EPB41L1: variants seen among roughly 807,000 people sequenced by gnomAD.
EPB41L1 encodes band 4.1-like protein 1.
In EPB41L1, 29 loss-of-function variants were observed where a neutral mutation model predicts 97.8. That is an observed-to-expected ratio of 0.30 (90% confidence interval 0.22 to 0.40). The LOEUF is 0.40. EPB41L1 is among the 10% of genes least tolerant of loss of function. The probability of loss-of-function intolerance (pLI) is 1.00; values close to 1 mark genes in which losing one functional copy is unlikely to be tolerated. For synonymous variants in EPB41L1, 383 were observed against 459.2 expected, an observed-to-expected ratio of 0.83 and a Z score of 2.12; for missense variants, 812 against 1,162.3, an observed-to-expected ratio of 0.70 and a Z score of 4.38.
intron 1 of EPB41L1, chr20:36,155,524 C>T (rs2060257815): frequency 2.2e-6 from 1 of 448,772 alleles, no homozygotes; most frequent in East Asian, 7.0e-5. Context: ...TGGGGAGGTC[C>T]AAGGGCCCGA....
rs2057677061 is a variant in EPB41L1 at position 36,092,033 on chromosome 20, G to C, written c.-65+421G>C. Among the ~76,000 whole-genome samples, 1 of 152,196 alleles carries C rather than the reference G, an allele frequency of 6.6e-6. No individual in the cohort carries two copies. Among genetic ancestry groups the C allele is most frequent in the African/African-American group, 2.4e-5 (1 of 41,450 alleles). ...GGTGGGCGTCGGGATCCCAGAGCCA[G>C]GGACTCAGCCCTTGGAGAGTCCCCA... On this transcript the variant is annotated intron_variant, in intron 1 of 19. Coordinates refer to the EPB41L1 transcript ENST00000202028. The surrounding 1 kb of genome is among the most constrained non-coding windows in gnomAD (Gnocchi z 7.0).
At chr20:36,130,928 C>T (rs943219471) in intron 2 of EPB41L1, among the ~76,000 whole-genome samples, 1 of 151,714 alleles carries the variant, frequency 6.6e-6, no homozygotes, top group African/African-American at 2.4e-5. Flanking sequence ...CCTGTCTCAG[C>T]CTCCTGAGTA....
chr20:36,149,079 A>G (rs1413784027), intron 2 of EPB41L1, among the ~76,000 whole-genome samples: 1 of 152,164 alleles, frequency 6.6e-6, no homozygotes, highest in Non-Finnish European at 1.5e-5. Flanking sequence ...GCATGCCAGC[A>G]CCAAACAGAG....
intron 14 of EPB41L1, among the ~76,000 whole-genome samples, chr20:36,198,339 T>C (rs1285352157): frequency 6.6e-6 from 1 of 152,138 alleles, no homozygotes; most frequent in Non-Finnish European, 1.5e-5. Flanking sequence ...GAAATGCAGG[T>C]TTCAGGGCCC....
chr20:36,145,284 G>T (rs2059790305), intron 2 of EPB41L1, among the ~76,000 whole-genome samples: 1 of 152,034 alleles, frequency 6.6e-6, no homozygotes, highest in East Asian at 1.9e-4. Flanking sequence ...CCAGCTACTT[G>T]GGAGGCTGAG....
chr20:36,156,647 A>G (rs2060313306), intron 1 of EPB41L1, among the ~76,000 whole-genome samples: 1 of 152,156 alleles, frequency 6.6e-6, no homozygotes, highest in Admixed American at 6.5e-5. Flanking sequence ...CTGGAGCCTG[A>G]GGCTACCTGA....
intron 17 of EPB41L1, 102 bp from the exon 18 acceptor site, chr20:36,218,774 A>G (rs1204199774): frequency 1.2e-5 from 12 of 1,031,960 alleles, no homozygotes; most frequent in South Asian, 2.7e-5. Flanking sequence ...TATTATTTCT[A>G]CTCAACCTTG....
At position 36,218,866 on chromosome 20, in the gene EPB41L1, G is replaced by C. The variant is rs773766660; in HGVS notation, c.2269-10G>C. 2 of 1,613,844 alleles carry C rather than the reference G, an allele frequency of 1.2e-6. No homozygotes were observed. Among genetic ancestry groups the C allele is most frequent in the African/African-American group, 1.3e-5 (1 of 74,924 alleles). ...GAGAGCTGGCCATCTGAGCACTATT[G>C]TTTCCCCAGGAGAACAGTCTCAAGT... On this transcript the variant is annotated splice_polypyrimidine_tract_variant and intron_variant, in intron 17 of 21. Coordinates refer to ENST00000338074, the MANE Select transcript of EPB41L1 (RefSeq NM_012156.2).
intron 1 of EPB41L1, among the ~76,000 whole-genome samples, chr20:36,165,458 G>A (rs1055683375): frequency 6.6e-6 from 1 of 152,094 alleles, no homozygotes; most frequent in South Asian, 2.1e-4. Flanking sequence ...CAGCACTTTG[G>A]GGGGCCAAGG....
intron 1 of EPB41L1, among the ~76,000 whole-genome samples, chr20:36,104,617 T>G (rs991794476): frequency 1.3e-5 from 2 of 152,160 alleles, no homozygotes; most frequent in African/African-American, 4.8e-5. Flanking sequence ...TGGTGGCAAG[T>G]GGGCTTCAGT....
intron 1 of EPB41L1, chr20:36,155,354 C>A: frequency 2.8e-6 from 1 of 362,212 alleles, no homozygotes; most frequent in Non-Finnish European, 5.5e-6. Context: ...CTGGGCTTGC[C>A]TCCCCTTCCG....
chr20:36,176,755 C>T (rs888401370), intron 3 of EPB41L1, among the ~76,000 whole-genome samples: 1 of 151,730 alleles, frequency 6.6e-6, no homozygotes. Context: ...CTTCAGCCTC[C>T]TGAATAGCTG....
At chr20:36,107,778 G>A (rs1488147707) in intron 1 of EPB41L1, among the ~76,000 whole-genome samples, 1 of 151,424 alleles carries the variant, frequency 6.6e-6, no homozygotes, top group African/African-American at 2.4e-5. Context: ...GCAGTGAGCT[G>A]AGATCACACC....
chr20:36,219,868 T>C (rs1161104681), intron 19 of EPB41L1, 24 bp downstream of exon 19: 4 of 1,604,572 alleles, frequency 2.5e-6, no homozygotes, highest in East Asian at 2.2e-5. Flanking sequence ...GGGCGCCCCA[T>C]GCCCCCAGCC....
At chr20:36,100,070 C>T (rs1368884893) in intron 1 of EPB41L1, among the ~76,000 whole-genome samples, 1 of 152,204 alleles carries the variant, frequency 6.6e-6, no homozygotes, top group Non-Finnish European at 1.5e-5. Context: ...AGATGTAACC[C>T]AAGGCTTCAG....
intron 2 of EPB41L1, among the ~76,000 whole-genome samples, chr20:36,129,965 G>A (rs1413133694): frequency 7.1e-6 from 1 of 140,568 alleles, no homozygotes; most frequent in Non-Finnish European, 1.5e-5. Flanking sequence ...TTTTTGAGAC[G>A]GAGTCTTGCT....
chr20:36,190,861 T>C lies in EPB41L1; in HGVS notation c.1300+64T>C, dbSNP rs543938478. On this transcript the variant is annotated intron_variant, in intron 11 of 21. Coordinates refer to ENST00000338074, the MANE Select transcript of EPB41L1 (RefSeq NM_012156.2). The surrounding 1 kb of genome is among the most constrained non-coding windows in gnomAD (Gnocchi z 5.8). ...TCAGAGGGAACTGGGGGAGTGGGCA[T>C]GCTGGGTTCTGCAGAATGAGCAGGA... The C allele has an allele frequency of 5.5e-5, 87 of 1,588,914 alleles. No homozygotes were observed. The South Asian group carries it at 9.0e-4, about 17-fold the overall frequency.
intron 2 of EPB41L1, among the ~76,000 whole-genome samples, chr20:36,127,677 C>T (rs997952074): frequency 1.3e-5 from 2 of 152,120 alleles, no homozygotes; most frequent in East Asian, 3.9e-4. Context: ...CTCGGTTTCC[C>T]TACCTGTAAA....
Position 36,178,691 on chromosome 20 carries a change from T to C in EPB41L1, c.490+19T>C. 1 of 1,613,788 alleles carries C rather than the reference T, an allele frequency of 6.2e-7. No individual in the cohort carries two copies. Among genetic ancestry groups the C allele is most frequent in the South Asian group, 1.1e-5 (1 of 91,066 alleles). ...ATCCGGAGTGAGTGGCTTGTTGTGT[T>C]TGGGGAGGTGGGTGGGTGAGGGGAT... On this transcript the variant is annotated intron_variant, in intron 5 of 21. Coordinates refer to ENST00000338074, the MANE Select transcript of EPB41L1 (RefSeq NM_012156.2).
Sources: allele counts gnomAD v4.1 joint callset (sites outside exome capture counted in the v4.1 genomes callset), GRCh38; gene constraint gnomAD v4.1.1; non-coding constraint Gnocchi (gnomAD v3.1); transcripts MANE v1.5; gene names NCBI Gene and HGNC (gene_info 2026-07-23, HGNC 2026-07-21).